MALRD1: variants seen among roughly 807,000 people sequenced by gnomAD.
MALRD1 encodes the protein MAM and LDL-receptor class A domain-containing protein 1.
A neutral mutation model predicts 242.1 loss-of-function variants in MALRD1; 247 were observed. The ratio of observed to expected loss-of-function variants is 1.02; its 90% CI spans 0.92 to 1.13. The LOEUF (loss-of-function observed/expected upper bound fraction) is 1.13, where lower values mean the gene tolerates loss of function less well. Among genes scored for constraint, MALRD1 ranks in the 50% most tolerant of loss-of-function variants. MALRD1 has a pLI of 0.00. For synonymous variants in MALRD1, 995 were observed against 866.6 expected (o/e 1.15, Z -2.60); for missense variants, 2,989 against 2,533.1 (o/e 1.18, Z -3.86).
Position 19,155,028 on chromosome 10 carries a change from T to A in MALRD1, c.1559-47T>A, listed in dbSNP as rs114776362. The A allele has an allele frequency of 3.8e-3, 3,894 of 1,036,448 alleles. 105 individuals carry two copies. In the African/African-American group the frequency reaches 0.057, roughly 15 times the overall value. 64.2% of individuals were successfully genotyped at this position (1,036,448 alleles called of 1,614,324 possible). A position where few individuals can be genotyped will look rare whatever the true frequency, so the allele number is the denominator to read the frequency against. On this transcript the variant is annotated intron_variant, in intron 11 of 39. Coordinates refer to ENST00000454679, the MANE Select transcript of MALRD1 (RefSeq NM_001142308.3). ...GATTGTGGAGCAAAGAACAGCTAAGTGTGTAAGAGAACTTGCATCCCTATG... is the reference window on the plus strand; with the variant it reads ...GATTGTGGAGCAAAGAACAGCTAAGAGTGTAAGAGAACTTGCATCCCTATG...
At chr10:19,283,816 T>G (rs1449034431) in intron 21 of MALRD1, among the ~76,000 whole-genome samples, 1 of 152,216 alleles carries the variant, frequency 6.6e-6, no homozygotes, top group African/African-American at 2.4e-5. Flanking sequence ...TCACGTTATC[T>G]CAATATTATA....
In MALRD1 at chr10:19,709,506, T is replaced by C. The variant is rs534624552; in HGVS notation, c.6314+16952T>C. ...TTTGTGTTGCCCAAAGTTAATCTCT[T>C]TTATGAGCCATTCACACCCACAACA... On this transcript the variant is annotated intron_variant, in intron 38 of 39. Transcript: ENST00000454679. 2.0e-5 allele frequency among the ~76,000 whole-genome samples: 3 copies of C among 152,296 alleles called. No homozygotes were observed. The East Asian group carries it at 5.8e-4, about 29-fold the overall frequency.
chr10:19,203,647 G>T (rs1303984823), intron 14 of MALRD1, 81 bp from the exon 15 acceptor site: 1 of 1,356,730 alleles, frequency 7.4e-7, no homozygotes. Context: ...ATAATAAGGT[G>T]AATTCTATTT....
chr10:19,692,393 G>T (rs1283341349), intron 37 of MALRD1, 32 bp downstream of exon 37: 6 of 1,531,480 alleles, frequency 3.9e-6, no homozygotes, highest in Non-Finnish European at 5.2e-6. Flanking sequence ...TAAATGGCTT[G>T]GTTTGGGGTG....
chr10:19,300,043 AC>A (rs1275747195), intron 21 of MALRD1, among the ~76,000 whole-genome samples: 2 of 151,984 alleles, frequency 1.3e-5, no homozygotes, highest in African/African-American at 4.8e-5. Context: ...AAATCAATGT[AC>A]AAAAGTCAGT....
intron 33 of MALRD1, among the ~76,000 whole-genome samples, chr10:19,576,604 A>G (rs1836838762): frequency 6.6e-6 from 1 of 152,198 alleles, no homozygotes; most frequent in Non-Finnish European, 1.5e-5. Context: ...TCTTTAGTAC[A>G]CCTACTGACT....
intron 29 of MALRD1, chr10:19,489,021 G>A (rs552047496): frequency 4.4e-6 from 2 of 456,400 alleles, no homozygotes; most frequent in Admixed American, 2.4e-5. Context: ...ACCATCCCCC[G>A]CCAGGGGTCT....
At chr10:19,234,407 A>G (rs1415938155) in intron 18 of MALRD1, among the ~76,000 whole-genome samples, 1 of 152,064 alleles carries the variant, frequency 6.6e-6, no homozygotes, top group East Asian at 1.9e-4. Context: ...ATGTTTTATT[A>G]TTGACTTTCA....
At chr10:19,153,884 T>C (rs1014883376) in intron 11 of MALRD1, among the ~76,000 whole-genome samples, 30 of 61,658 alleles carry the variant, frequency 4.9e-4, no homozygotes, top group Non-Finnish European at 1.2e-3. Flanking sequence ...GTTTGAAATT[T>C]GTATATTCTT....
chr10:19,315,042 ATATGTAAATATAATT>A (rs1842590243), intron 21 of MALRD1, among the ~76,000 whole-genome samples: 3 of 142,794 alleles, frequency 2.1e-5, no homozygotes, highest in African/African-American at 7.7e-5. Flanking sequence ...ATTTATATAA[ATATGTAAATATAATT>A]TATATAAATA....
intron 29 of MALRD1, chr10:19,489,304 C>T: frequency 2.0e-6 from 1 of 511,016 alleles, no homozygotes. Flanking sequence ...TGGCTAACCA[C>T]GAAAGTAAAG....
At chr10:19,590,383 A>T (rs1837708411) in intron 33 of MALRD1, among the ~76,000 whole-genome samples, 1 of 148,202 alleles carries the variant, frequency 6.7e-6, no homozygotes, top group South Asian at 2.1e-4. Context: ...TACATATTTT[A>T]TATATGTATA....
intron 21 of MALRD1, among the ~76,000 whole-genome samples, chr10:19,299,699 C>G (rs1277058142): frequency 6.6e-6 from 1 of 151,874 alleles, no homozygotes; most frequent in African/African-American, 2.4e-5. Flanking sequence ...CCTCAACAAA[C>G]TAGGCACTGA....
intron 26 of MALRD1, among the ~76,000 whole-genome samples, chr10:19,355,425 T>C (rs901752039): frequency 6.6e-6 from 1 of 151,900 alleles, no homozygotes; most frequent in African/African-American, 2.4e-5. Flanking sequence ...ATTAATATAA[T>C]TTATTACATT....
chr10:19,299,021 A>G (rs1352557539), intron 21 of MALRD1, among the ~76,000 whole-genome samples: 1 of 151,942 alleles, frequency 6.6e-6, no homozygotes. Flanking sequence ...GAAACCAAGA[A>G]AATTTGTCAT....
chr10:19,605,042 A>G (rs1838539733), intron 34 of MALRD1, among the ~76,000 whole-genome samples: 1 of 152,180 alleles, frequency 6.6e-6, no homozygotes, highest in Non-Finnish European at 1.5e-5. Context: ...AATGTAATTT[A>G]TCTTGTCTAT....
At chr10:19,242,389 T>C (rs1838830870) in intron 18 of MALRD1, among the ~76,000 whole-genome samples, 1 of 152,128 alleles carries the variant, frequency 6.6e-6, no homozygotes, top group African/African-American at 2.4e-5. Context: ...GGTGGGGATA[T>C]ACAGCCAAAC....
intron 31 of MALRD1, among the ~76,000 whole-genome samples, chr10:19,508,172 T>A (rs185048213): frequency 2.0e-5 from 3 of 152,290 alleles, no homozygotes; most frequent in Non-Finnish European, 4.4e-5. Flanking sequence ...GCAATAAAGA[T>A]GCTTTCATTA....
chr10:19,299,879 A>C (rs1278757256), intron 21 of MALRD1, among the ~76,000 whole-genome samples: 1 of 151,912 alleles, frequency 6.6e-6, no homozygotes, highest in African/African-American at 2.4e-5. Flanking sequence ...GCAATCAATC[A>C]AGAGAAACAA....
Sources: gnomAD v4.1 joint callset for allele counts (sites outside exome capture counted in the v4.1 genomes callset) on GRCh38, gnomAD v4.1.1 for gene constraint, MANE v1.5 for transcripts, NCBI Gene and HGNC (gene_info 2026-07-23, HGNC 2026-07-21) for gene names.